Variants in TTC28 observed in about 807,000 individuals in gnomAD.
The protein encoded by TTC28 is tetratricopeptide repeat protein 28.
A neutral mutation model predicts 198.0 loss-of-function variants in TTC28; 61 were observed. That is an observed-to-expected ratio of 0.31 (90% CI 0.25 to 0.38). The LOEUF (loss-of-function observed/expected upper bound fraction) is 0.38. Among genes scored for constraint, TTC28 ranks in the 10% least tolerant of loss-of-function variants. TTC28 has a pLI of 1.00. For synonymous variants in TTC28, 1,171 were observed against 1,297.8 expected, an observed-to-expected ratio of 0.90 and a Z score of 2.10; for missense variants, 2,678 against 3,164.0, an observed-to-expected ratio of 0.85 and a Z score of 3.69.
chr22:28,589,955 C>A (rs1192445740), intron 2 of TTC28, among the ~76,000 whole-genome samples: 1 of 142,774 alleles, frequency 7.0e-6, no homozygotes, highest in East Asian at 2.2e-4. Context: ...GAGAACTGCT[C>A]GAACCCGGGA....
chr22:28,022,724 G>A (rs770569741), intron 13 of TTC28, among the ~76,000 whole-genome samples: 29 of 152,258 alleles, frequency 1.9e-4, no homozygotes, highest in Non-Finnish European at 3.8e-4. Flanking sequence ...ATCTTCTGAG[G>A]TAGCTGGCCT....
intron 5 of TTC28, among the ~76,000 whole-genome samples, chr22:28,174,244 G>A (rs1405716106): frequency 6.6e-6 from 1 of 152,172 alleles, no homozygotes; most frequent in Non-Finnish European, 1.5e-5. Flanking sequence ...ATCTCACAGA[G>A]CCTTCATGAG....
chr22:28,537,505 A>T (rs983036319), intron 2 of TTC28, among the ~76,000 whole-genome samples: 3 of 151,952 alleles, frequency 2.0e-5, no homozygotes, highest in African/African-American at 7.2e-5. Flanking sequence ...AAAAAATTCC[A>T]GATTGATCAA....
At chr22:28,241,173 T>TC (rs1221647326) in intron 5 of TTC28, among the ~76,000 whole-genome samples, 1 of 152,178 alleles carries the variant, frequency 6.6e-6, no homozygotes, top group African/African-American at 2.4e-5. Context: ...ATACCATGCG[T>TC]CTCTTGATAA....
At chr22:28,670,851 C>A (rs757591039) in intron 1 of TTC28, among the ~76,000 whole-genome samples, 27 of 152,170 alleles carry the variant, frequency 1.8e-4, no homozygotes, top group African/African-American at 6.5e-4. Flanking sequence ...TTCTCCACAT[C>A]CTCACCAGTA....
intron 12 of TTC28, among the ~76,000 whole-genome samples, chr22:28,087,034 A>T (rs1038894778): frequency 2.6e-5 from 4 of 152,138 alleles, no homozygotes; most frequent in African/African-American, 9.7e-5. Context: ...TTACCAACCA[A>T]AAAGAGTCCA....
intron 12 of TTC28, among the ~76,000 whole-genome samples, chr22:28,033,122 C>T (rs952329650): frequency 2.0e-5 from 3 of 152,116 alleles, no homozygotes; most frequent in South Asian, 2.1e-4. Flanking sequence ...TGCCTGGGAC[C>T]GGTATCAGCC....
chr22:27,984,037 C>A (rs1272676332), intron 22 of TTC28, among the ~76,000 whole-genome samples, 186 bp from the exon 23 acceptor site: 1 of 152,144 alleles, frequency 6.6e-6, no homozygotes, highest in Non-Finnish European at 1.5e-5. Flanking sequence ...AACATAGGGA[C>A]AAAATCATTC....
At chr22:28,060,453 T>C (rs1940478650) in intron 12 of TTC28, among the ~76,000 whole-genome samples, 1 of 152,190 alleles carries the variant, frequency 6.6e-6, no homozygotes, top group East Asian at 1.9e-4. Context: ...TGCATAGTAT[T>C]CCATGGTGTA....
At chr22:28,432,734 T>G (rs1344565859) in intron 2 of TTC28, among the ~76,000 whole-genome samples, 1 of 152,258 alleles carries the variant, frequency 6.6e-6, no homozygotes, top group African/African-American at 2.4e-5. Flanking sequence ...TACTTACTTT[T>G]CACCTAAGTT....
chr22:28,592,151 G>C lies in TTC28; in HGVS notation c.381+37401C>G, dbSNP rs544795149. 5.9e-5 allele frequency among the ~76,000 whole-genome samples: 9 copies of C among 152,212 alleles called. No homozygotes were observed. The East Asian group carries it at 1.7e-3, about 29-fold the overall frequency. Reference sequence around the variant, plus strand: ...TAGGTTATGAAGAGAAGCTATGAGTGGGGGACCTGGAGAGACAGGGTCTAG... The same window carrying C: ...TAGGTTATGAAGAGAAGCTATGAGTCGGGGACCTGGAGAGACAGGGTCTAG... On this transcript the variant is annotated intron_variant, in intron 2 of 22. Coordinates refer to ENST00000397906, the MANE Select transcript of TTC28 (RefSeq NM_001145418.2).
chr22:28,338,394 T>C (rs1273985005), intron 2 of TTC28, among the ~76,000 whole-genome samples: 1 of 152,254 alleles, frequency 6.6e-6, no homozygotes, highest in Non-Finnish European at 1.5e-5. Context: ...CCTGCCTTGC[T>C]AGATTGGGGA....
chr22:28,203,658 CA>C (rs2147159421), intron 5 of TTC28, among the ~76,000 whole-genome samples: 1 of 152,172 alleles, frequency 6.6e-6, no homozygotes, highest in Admixed American at 6.6e-5. Flanking sequence ...GTCTAACGTG[CA>C]GAAGATTTTT....
intron 2 of TTC28, among the ~76,000 whole-genome samples, chr22:28,400,173 AATTCGGTT>A (rs1460249716): frequency 6.6e-6 from 1 of 152,210 alleles, no homozygotes; most frequent in Non-Finnish European, 1.5e-5. Flanking sequence ...TCCTAGATGA[AATTCGGTT>A]ATTCAAGATG....
At chr22:28,636,471 C>T (rs1422000120) in intron 1 of TTC28, among the ~76,000 whole-genome samples, 2 of 152,012 alleles carry the variant, frequency 1.3e-5, no homozygotes, top group African/African-American at 4.8e-5. Flanking sequence ...TTCATTCATC[C>T]AGCAATGGAC....
intron 12 of TTC28, among the ~76,000 whole-genome samples, chr22:28,060,900 A>G (rs1940502719): frequency 6.6e-6 from 1 of 152,158 alleles, no homozygotes; most frequent in Admixed American, 6.5e-5. Context: ...TGACTTTTTA[A>G]TGACTGCCAT....
chr22:28,141,831 C>T (rs1943343337), intron 6 of TTC28, among the ~76,000 whole-genome samples: 1 of 152,032 alleles, frequency 6.6e-6, no homozygotes, highest in Non-Finnish European at 1.5e-5. Flanking sequence ...CAGTTAATTC[C>T]ACAACCACGA....
At chr22:28,096,150 A>T (rs762754886) in intron 11 of TTC28, 40 bp downstream of exon 11, 82 of 1,498,972 alleles carry the variant, frequency 5.5e-5, no homozygotes, top group Non-Finnish European at 5.4e-5. Flanking sequence ...TCACAGGTCT[A>T]GTCTTCTAAT....
At chr22:28,614,720 C>T (rs1362562134) in intron 2 of TTC28, among the ~76,000 whole-genome samples, 1 of 152,162 alleles carries the variant, frequency 6.6e-6, no homozygotes, top group African/African-American at 2.4e-5. Flanking sequence ...ATAAATGGTG[C>T]TGGGAAAACT....
Sources: allele counts gnomAD v4.1 joint callset (sites outside exome capture counted in the v4.1 genomes callset), GRCh38; gene constraint gnomAD v4.1.1; transcripts MANE v1.5; gene names NCBI Gene and HGNC (gene_info 2026-07-23, HGNC 2026-07-21).